The following LMO1 variants were observed in gnomAD, a reference collection of about 807,000 sequenced individuals.
LMO1 encodes rhombotin-1.
Under a neutral mutation model 18.0 loss-of-function variants are expected in LMO1, and 10 were observed. That is an observed-to-expected ratio of 0.55 (90% CI 0.34 to 0.94). The LOEUF (loss-of-function observed/expected upper bound fraction) is 0.94. LMO1 is among the 40% of genes least tolerant of loss of function. The probability of loss-of-function intolerance (pLI) is 0.02; values close to 1 mark genes in which losing one functional copy is unlikely to be tolerated. For synonymous variants in LMO1, 77 were observed against 77.9 expected (o/e 0.99, Z 0.06); for missense variants, 183 against 205.7 (o/e 0.89, Z 0.68).
At chr11:8,227,181 G>C in intron 2 of LMO1, 81 bp from the exon 3 acceptor site, 2 of 1,549,160 alleles carry the variant, frequency 1.3e-6, no homozygotes. Context: ...CCTCCATCCA[G>C]GGTCCTTCCC....
At chr11:8,241,676 G>A (rs1846795492) in intron 1 of LMO1, among the ~76,000 whole-genome samples, 1 of 151,826 alleles carries the variant, frequency 6.6e-6, no homozygotes, top group African/African-American at 2.4e-5. Flanking sequence ...CCTCAGAGAA[G>A]CCTTTCTTGA....
chr11:8,239,425 A>C (rs1473033361), intron 1 of LMO1, among the ~76,000 whole-genome samples: 1 of 152,238 alleles, frequency 6.6e-6, no homozygotes, highest in Non-Finnish European at 1.5e-5. Context: ...GGCATGGACC[A>C]GAAACTAAGT....
intron 3 of LMO1, among the ~76,000 whole-genome samples, chr11:8,225,274 T>C (rs761529041): frequency 1.3e-5 from 2 of 151,502 alleles, no homozygotes; most frequent in Non-Finnish European, 2.9e-5. Flanking sequence ...ATTTAGCTGG[T>C]GGGCATCTGT....
chr11:8,244,152 T>C (rs1846847603), intron 1 of LMO1, among the ~76,000 whole-genome samples: 1 of 152,048 alleles, frequency 6.6e-6, no homozygotes, highest in South Asian at 2.1e-4. Flanking sequence ...GGGAGCCCTT[T>C]CTGGAATAAG....
intron 3 of LMO1, among the ~76,000 whole-genome samples, chr11:8,226,123 A>G (rs1303380610): frequency 6.6e-6 from 1 of 152,182 alleles, no homozygotes; most frequent in African/African-American, 2.4e-5. Flanking sequence ...ACTGGAACAT[A>G]CATGCACACA....
chr11:8,238,123 C>T (rs573704127), intron 1 of LMO1, among the ~76,000 whole-genome samples: 4 of 152,272 alleles, frequency 2.6e-5, no homozygotes, highest in South Asian at 2.1e-4. Flanking sequence ...TGTTCATAGA[C>T]GTTTTCTTCT....
At chr11:8,259,484 C>G (rs204936) in intron 1 of LMO1, among the ~76,000 whole-genome samples, 1 of 152,202 alleles carries the variant, frequency 6.6e-6, no homozygotes, top group East Asian at 1.9e-4. Context: ...GATGGTAACC[C>G]TCCCGCTCCC....
chr11:8,224,466 A>C lies in LMO1; in HGVS notation c.*150T>G, dbSNP rs1952496361. On this transcript the variant is annotated 3_prime_UTR_variant, in exon 4 of 4. Transcript: ENST00000335790. ...ACAGACGGGCGGTGGTGGAGGAGGA[A>C]GGGCCATCCCTCCCATCGAGGACGG... The C allele has an allele frequency of 6.7e-6, 4 of 600,340 alleles. No homozygotes were observed. The highest frequency in any genetic ancestry group is 5.9e-5 in the South Asian group (3 of 51,046). The allele number at this position is 600,340 out of a possible 1,614,324, so 37.2% of individuals were successfully genotyped here. A position where few individuals can be genotyped will look rare whatever the true frequency, so the allele number is the denominator to read the frequency against.
intron 2 of LMO1, among the ~76,000 whole-genome samples, chr11:8,227,729 A>G (rs1952573563): frequency 6.6e-6 from 1 of 152,234 alleles, no homozygotes; most frequent in Non-Finnish European, 1.5e-5. Context: ...TTAAAATATG[A>G]GTCACAGAGA....
chr11:8,247,622 C>T (rs1362419457), intron 1 of LMO1, among the ~76,000 whole-genome samples: 1 of 152,268 alleles, frequency 6.6e-6, no homozygotes, highest in Non-Finnish European at 1.5e-5. Context: ...AATCCTCCCA[C>T]AATGGAGAGA....
rs751580693 is a variant in LMO1, at chr11:8,224,715, A to G, written c.372T>C (p.Cys124=). The change falls in exon 4 of 4, where the codon TGT becomes TGC. Residue 124 remains cysteine (C), a synonymous_variant. Coordinates refer to ENST00000335790, the MANE Select transcript of LMO1 (RefSeq NM_002315.3). The stretch of plus-strand genomic sequence containing the variant: ...TCTTCAGGAAGAATTTGTCTCCCAC[A>G]CAAAATCTAGAAAATCCAAGCGAGA... ...FACQLCNQRF[C]VGDKFFLKNN... The G allele has an allele frequency of 3.8e-6, 6 of 1,599,360 alleles. No homozygotes were observed. Among genetic ancestry groups the G allele is most frequent in the Middle Eastern group, 1.7e-4 (1 of 6,034 alleles).
chr11:8,224,506 G>A lies in LMO1; in HGVS notation c.*110C>T. ...ATCGAGGACGGAGAAGTTCTAATGT[G>A]GCAGGAGAGCGGCTGGCCAGCCTGC... On this transcript the variant is annotated 3_prime_UTR_variant, in exon 4 of 4. Coordinates refer to ENST00000335790, the MANE Select transcript of LMO1 (RefSeq NM_002315.3). The A allele has an allele frequency of 3.0e-6, 2 of 673,692 alleles. No homozygotes were observed. The highest frequency in any genetic ancestry group is 5.3e-6 in the Non-Finnish European group (2 of 377,960). 41.7% of individuals were successfully genotyped at this position (673,692 alleles called of 1,614,324 possible).
intron 1 of LMO1, among the ~76,000 whole-genome samples, chr11:8,251,845 G>A (rs1847000725): frequency 7.9e-6 from 1 of 127,148 alleles, no homozygotes; most frequent in Admixed American, 8.2e-5. Context: ...TGTGTGGTGG[G>A]TGTGCGTGTG....
At chr11:8,251,730 G>A (rs891323851) in intron 1 of LMO1, among the ~76,000 whole-genome samples, 5 of 151,636 alleles carry the variant, frequency 3.3e-5, no homozygotes, top group African/African-American at 9.7e-5. Flanking sequence ...CGTGTGGTGT[G>A]TATGGGGGGG....
At chr11:8,241,317 G>C (rs1272131020) in intron 1 of LMO1, among the ~76,000 whole-genome samples, 1 of 152,170 alleles carries the variant, frequency 6.6e-6, no homozygotes, top group Non-Finnish European at 1.5e-5. Context: ...ACCGTCTCTC[G>C]ATGCACTGCC....
chr11:8,260,283 C>T (rs1051407803), intron 1 of LMO1, among the ~76,000 whole-genome samples: 2 of 152,206 alleles, frequency 1.3e-5, no homozygotes, highest in South Asian at 2.1e-4. Flanking sequence ...AAGCTCACCA[C>T]CTGGTGCCAG....
At chr11:8,266,690 G>C (rs377357735), upstream of LMO1, among the ~76,000 whole-genome samples, 29 of 152,232 alleles carry the variant, frequency 1.9e-4, no homozygotes, top group Admixed American at 1.5e-3. Context: ...TCCCGAGGAA[G>C]AGTTCCTGCA....
At chr11:8,242,767 G>A (rs1266466411) in intron 1 of LMO1, among the ~76,000 whole-genome samples, 1 of 152,220 alleles carries the variant, frequency 6.6e-6, no homozygotes, top group African/African-American at 2.4e-5. Context: ...AGAGGAGGAG[G>A]ACATGGACTC....
At chr11:8,251,829 TCTGC>T (rs1459745119) in intron 1 of LMO1, among the ~76,000 whole-genome samples, 1 of 151,060 alleles carries the variant, frequency 6.6e-6, no homozygotes, top group Non-Finnish European at 1.5e-5. Context: ...AGTGCATGTG[TCTGC>T]CTGTGTGGTG....
Sources: gnomAD v4.1 joint callset for allele counts (sites outside exome capture counted in the v4.1 genomes callset) on GRCh38, gnomAD v4.1.1 for gene constraint, MANE v1.5 for transcripts, NCBI Gene and HGNC (gene_info 2026-07-23, HGNC 2026-07-21) for gene names.